Variants in PPFIA2 observed in about 807,000 individuals in gnomAD.
PPFIA2 encodes PPFI scaffold protein A2, also known as liprin-alpha-2.
A neutral mutation model predicts 175.5 loss-of-function variants in PPFIA2; 46 were observed. The observed-to-expected ratio is 0.26, with a 90% CI of 0.21 to 0.34. PPFIA2 has a LOEUF of 0.34. Ranked by LOEUF, PPFIA2 falls within the 10% of genes least tolerant of loss-of-function variation. PPFIA2 has a pLI of 1.00. For synonymous variants in PPFIA2, 568 were observed against 511.4 expected, an observed-to-expected ratio of 1.11 and a Z score of -1.49; for missense variants, 1,179 against 1,506.1, an observed-to-expected ratio of 0.78 and a Z score of 3.60.
intron 3 of PPFIA2, among the ~76,000 whole-genome samples, chr12:81,752,172 G>A (rs1158971171): frequency 1.3e-5 from 2 of 152,136 alleles, no homozygotes; most frequent in African/African-American, 4.8e-5. Context: ...CACATTGAAG[G>A]TATGTTGAAC....
intron 4 of PPFIA2, among the ~76,000 whole-genome samples, chr12:81,637,386 G>C (rs2064246853): frequency 6.6e-6 from 1 of 151,016 alleles, no homozygotes; most frequent in East Asian, 2.0e-4. Context: ...TTACAGGCAT[G>C]AGCCACCGTG....
chr12:81,435,111 T>C (rs1229069824), intron 7 of PPFIA2, among the ~76,000 whole-genome samples: 1 of 152,184 alleles, frequency 6.6e-6, no homozygotes, highest in East Asian at 1.9e-4. Context: ...CTTTATTACA[T>C]TAATGTGCCA....
intron 27 of PPFIA2, among the ~76,000 whole-genome samples, chr12:81,280,311 G>T (rs1194205546): frequency 6.6e-6 from 1 of 152,076 alleles, no homozygotes; most frequent in Non-Finnish European, 1.5e-5. Context: ...AAAAAACACT[G>T]TTATATTTAT....
intron 5 of PPFIA2, among the ~76,000 whole-genome samples, chr12:81,454,762 G>A (rs1188515039): frequency 2.0e-5 from 3 of 151,988 alleles, no homozygotes; most frequent in African/African-American, 7.2e-5. Context: ...CTAACTACTC[G>A]ATGTAAAGTG....
At chr12:81,571,558 T>A (rs1030324561) in intron 4 of PPFIA2, among the ~76,000 whole-genome samples, 8 of 152,074 alleles carry the variant, frequency 5.3e-5, no homozygotes, top group Non-Finnish European at 2.9e-5. Flanking sequence ...CTGGAAGTAG[T>A]TTAACAAGCA....
chr12:81,716,824 CAGAA>C (rs953772190), intron 3 of PPFIA2, among the ~76,000 whole-genome samples: 9 of 151,356 alleles, frequency 5.9e-5, no homozygotes, highest in Non-Finnish European at 1.2e-4. Flanking sequence ...CAAATGTGCT[CAGAA>C]AGAGGTGCGA....
At chr12:81,531,744 T>C (rs1806634187) in intron 4 of PPFIA2, among the ~76,000 whole-genome samples, 1 of 151,516 alleles carries the variant, frequency 6.6e-6, no homozygotes, top group South Asian at 2.1e-4. Context: ...TTTTAAAGAT[T>C]ATTTTATTTC....
chr12:81,293,951 G>T (rs772850163), intron 24 of PPFIA2, among the ~76,000 whole-genome samples: 1 of 152,062 alleles, frequency 6.6e-6, no homozygotes, highest in African/African-American at 2.4e-5. Flanking sequence ...GGAATACTAT[G>T]CAGTCATAAA....
At chr12:81,692,909 T>C (rs1048739971) in intron 3 of PPFIA2, among the ~76,000 whole-genome samples, 8 of 152,120 alleles carry the variant, frequency 5.3e-5, no homozygotes, top group African/African-American at 1.2e-4. Context: ...TAAAATTCTA[T>C]GACGAAAAAG....
At chr12:81,537,307 T>C (rs2065543009) in intron 4 of PPFIA2, among the ~76,000 whole-genome samples, 2 of 151,736 alleles carry the variant, frequency 1.3e-5, no homozygotes. Context: ...TCCTCCCCAC[T>C]GGCAATGGAG....
intron 9 of PPFIA2, among the ~76,000 whole-genome samples, chr12:81,382,087 G>C (rs2037850277): frequency 6.6e-6 from 1 of 152,088 alleles, no homozygotes; most frequent in South Asian, 2.1e-4. Context: ...AGTCCTGTGG[G>C]ATAAGCAAAC....
rs145123126 is a variant in PPFIA2, at chr12:81,302,389, G to A, written c.2643-3007C>T. ...AAATAGTTCTGTTCTATGAACAGAA[G>A]TATTGATAACACAATTGTTTGGGAA... On this transcript the variant is annotated intron_variant, in intron 22 of 32. Transcript: ENST00000549396. Among the ~76,000 whole-genome samples, 153 of 152,216 alleles carry A rather than the reference G, an allele frequency of 1.0e-3. 2 individuals carry two copies. Among genetic ancestry groups the A allele is most frequent in the Non-Finnish European group, 1.0e-3 (68 of 68,008 alleles).
chr12:81,415,203 AAAAAAAAATATATATATATATATATATAT>A (rs2044850443), intron 7 of PPFIA2, among the ~76,000 whole-genome samples: 2 of 54,266 alleles, frequency 3.7e-5, no homozygotes, highest in Admixed American at 2.3e-4. Context: ...AAAAAAAAAA[AAAAAAAAATATATATATATATATATATAT>A]ATATATATAT....
intron 7 of PPFIA2, chr12:81,430,271 G>A (rs2047862936): frequency 6.6e-6 from 1 of 151,978 alleles, no homozygotes; most frequent in African/African-American, 2.4e-5. Context: ...ACTCAATACT[G>A]TCTGGAATCA....
rs548101254 is a variant in PPFIA2, at chr12:81,640,164, C to A, written c.303+36627G>T. The stretch of plus-strand genomic sequence containing the variant: ...GTCTGTGTAACATTTGAAGGACTAT[C>A]ATAAAATTTTGGAGTGATTTATATT... On this transcript the variant is annotated intron_variant, in intron 4 of 32. Transcript: ENST00000549396. Among the ~76,000 whole-genome samples, 5 of 152,190 alleles carry A rather than the reference C, an allele frequency of 3.3e-5. No individual in the cohort carries two copies. In the East Asian group the frequency reaches 9.6e-4, roughly 29 times the overall value.
In PPFIA2 at chr12:81,345,386, TC is replaced by T. The variant is rs571027171; in HGVS notation, c.2233-694del. 2.8e-3 allele frequency among the ~76,000 whole-genome samples: 428 copies of T among 152,274 alleles called. 1 individual carries two copies. The highest frequency in any genetic ancestry group is 9.4e-3 in the African/African-American group (392 of 41,566). ...TACTCTTCTAAAAATGCCTTTTTTT[TC>T]AGTACTCTAATTATAATGTAATAAT... On this transcript the variant is annotated intron_variant, in intron 18 of 32. Transcript: ENST00000549396.
At chr12:81,542,412 T>G (rs1043988026) in intron 4 of PPFIA2, among the ~76,000 whole-genome samples, 1 of 152,174 alleles carries the variant, frequency 6.6e-6, no homozygotes, top group African/African-American at 2.4e-5. Flanking sequence ...AAGCCACTGA[T>G]TTTGTGGTAA....
intron 8 of PPFIA2, among the ~76,000 whole-genome samples, chr12:81,388,095 A>G (rs1469438122): frequency 1.1e-4 from 16 of 152,180 alleles, no homozygotes; most frequent in Non-Finnish European, 2.4e-4. Flanking sequence ...CAGATATGGA[A>G]TGATATCTTC....
chr12:81,395,000 T>G (rs2142401386), intron 8 of PPFIA2, among the ~76,000 whole-genome samples: 1 of 152,158 alleles, frequency 6.6e-6, no homozygotes, highest in East Asian at 1.9e-4. Context: ...AAGCTTTATA[T>G]GTCTTGGACA....
Sources: allele counts gnomAD v4.1 joint callset (sites outside exome capture counted in the v4.1 genomes callset), GRCh38; gene constraint gnomAD v4.1.1; transcripts MANE v1.5; gene names NCBI Gene and HGNC (gene_info 2026-07-23, HGNC 2026-07-21).